Variants in RBFOX1 observed in about 807,000 individuals in gnomAD.
RBFOX1 encodes RNA binding protein fox-1 homolog 1.
A neutral mutation model predicts 57.7 loss-of-function variants in RBFOX1; 8 were observed. That is an observed-to-expected ratio of 0.14 (90% CI 0.08 to 0.25). The LOEUF is 0.25. RBFOX1 is among the 10% of genes least tolerant of loss of function. The pLI, the probability that RBFOX1 is intolerant of heterozygous loss-of-function variation, is 1.00. For missense variants in RBFOX1, 611 were observed against 548.5 expected (o/e 1.11, Z -1.14); for synonymous variants, 326 against 222.4 (o/e 1.47, Z -4.15).
intron 2 of RBFOX1, among the ~76,000 whole-genome samples, chr16:5,528,545 C>CTTTTT (rs755227280): frequency 1.7e-5 from 2 of 115,268 alleles, no homozygotes; most frequent in East Asian, 3.8e-4. Flanking sequence ...GACAGCTCTT[C>CTTTTT]TTTTTTTTTT....
chr16:5,346,130 A>G (rs1233256488), intron 1 of RBFOX1, among the ~76,000 whole-genome samples: 1 of 152,180 alleles, frequency 6.6e-6, no homozygotes, highest in Non-Finnish European at 1.5e-5. Flanking sequence ...GGCAGCCTGC[A>G]TCACCTCCGT....
chr16:5,682,510 G>C (rs1207938210), intron 3 of RBFOX1, among the ~76,000 whole-genome samples: 3 of 152,184 alleles, frequency 2.0e-5, no homozygotes. Flanking sequence ...CGGTGGAAGA[G>C]ATGACCATTT....
At chr16:5,913,927 C>T (rs2058655423) in intron 4 of RBFOX1, among the ~76,000 whole-genome samples, 1 of 152,228 alleles carries the variant, frequency 6.6e-6, no homozygotes, top group African/African-American at 2.4e-5. Flanking sequence ...AGGGTATATT[C>T]TGTCACTCCT....
chr16:7,041,500 G>A (rs868524721), intron 3 of RBFOX1, among the ~76,000 whole-genome samples: 42 of 152,206 alleles, frequency 2.8e-4, no homozygotes, highest in African/African-American at 8.2e-4. Context: ...TGTGACAAGC[G>A]CTGTCCTTAC....
intron 4 of RBFOX1, among the ~76,000 whole-genome samples, chr16:7,265,839 G>T (rs1448813276): frequency 6.6e-6 from 1 of 151,896 alleles, no homozygotes; most frequent in South Asian, 2.1e-4. Flanking sequence ...ATCTCATGTT[G>T]AAATATAACT....
intron 3 of RBFOX1, among the ~76,000 whole-genome samples, chr16:5,708,046 A>G (rs2051317541): frequency 6.6e-6 from 1 of 152,178 alleles, no homozygotes; most frequent in Admixed American, 6.5e-5. Context: ...GAAAGAGAGA[A>G]TAAAAGAAGG....
chr16:5,322,832 C>G (rs1285599281), intron 1 of RBFOX1, among the ~76,000 whole-genome samples: 1 of 152,172 alleles, frequency 6.6e-6, no homozygotes, highest in Admixed American at 6.5e-5. Context: ...TTATAATGCA[C>G]TTAGGGCACT....
intron 3 of RBFOX1, among the ~76,000 whole-genome samples, chr16:5,698,880 G>A (rs577712734): frequency 2.0e-5 from 3 of 151,790 alleles, no homozygotes; most frequent in Non-Finnish European, 4.4e-5. Context: ...TTTATTTTGT[G>A]TAGCATCTGT....
At chr16:5,306,347 T>G (rs1281571638) in intron 1 of RBFOX1, among the ~76,000 whole-genome samples, 1 of 151,796 alleles carries the variant, frequency 6.6e-6, no homozygotes, top group African/African-American at 2.4e-5. Context: ...GAGACGGAGT[T>G]TCACCCTTGT....
At chr16:6,534,936 A>G (rs1002410739) in intron 2 of RBFOX1, among the ~76,000 whole-genome samples, 6 of 152,198 alleles carry the variant, frequency 3.9e-5, no homozygotes, top group Admixed American at 6.5e-5. Flanking sequence ...CATTCAACAT[A>G]CAGAAAACTT....
intron 4 of RBFOX1, among the ~76,000 whole-genome samples, chr16:7,069,886 A>T (rs1445386375): frequency 6.6e-6 from 1 of 152,174 alleles, no homozygotes; most frequent in Non-Finnish European, 1.5e-5. Flanking sequence ...TTTGCGCTTG[A>T]ATTTTACCCC....
chr16:7,601,013 TG>T (rs2094986133), intron 9 of RBFOX1, among the ~76,000 whole-genome samples: 1 of 152,180 alleles, frequency 6.6e-6, no homozygotes, highest in African/African-American at 2.4e-5. Flanking sequence ...CTGTGTTCTT[TG>T]GGGATCAAAT....
At chr16:6,564,539 C>T (rs2097230591) in intron 2 of RBFOX1, among the ~76,000 whole-genome samples, 1 of 152,012 alleles carries the variant, frequency 6.6e-6, no homozygotes, top group African/African-American at 2.4e-5. Flanking sequence ...GTGAGATAAG[C>T]CAGGCACAGA....
At chr16:7,709,282 C>T (rs1188438369) in intron 15 of RBFOX1, 151 bp downstream of exon 15, 19 of 931,640 alleles carry the variant, frequency 2.0e-5, no homozygotes, top group Non-Finnish European at 2.8e-5. Flanking sequence ...ATTAATCCTC[C>T]CAGTAAACTT....
At chr16:6,947,363 G>A (rs1219783236) in intron 3 of RBFOX1, among the ~76,000 whole-genome samples, 1 of 152,200 alleles carries the variant, frequency 6.6e-6, no homozygotes, top group Non-Finnish European at 1.5e-5. Context: ...CTGGGTGCCT[G>A]AGCCTTTTGC....
At chr16:6,322,450 C>G (rs903654506) in intron 2 of RBFOX1, among the ~76,000 whole-genome samples, 1 of 152,050 alleles carries the variant, frequency 6.6e-6, no homozygotes, top group Non-Finnish European at 1.5e-5. Flanking sequence ...TTGGGATAGC[C>G]TTTCCTATTC....
At chr16:5,708,164 A>G (rs1271815749) in intron 3 of RBFOX1, among the ~76,000 whole-genome samples, 1 of 152,216 alleles carries the variant, frequency 6.6e-6, no homozygotes, top group African/African-American at 2.4e-5. Flanking sequence ...GGATGAATAC[A>G]GAGAGAAACA....
intron 3 of RBFOX1, among the ~76,000 whole-genome samples, chr16:6,758,068 A>G (rs1201785069): frequency 6.6e-6 from 1 of 152,174 alleles, no homozygotes; most frequent in Admixed American, 6.5e-5. Flanking sequence ...CTTTATACCA[A>G]TAAGAAGGAT....
intron 3 of RBFOX1, among the ~76,000 whole-genome samples, chr16:5,639,957 C>A (rs1254583233): frequency 6.6e-6 from 1 of 152,214 alleles, no homozygotes; most frequent in Non-Finnish European, 1.5e-5. Context: ...CTTTTCTCTG[C>A]CCAGAGCCTT....
Sources: gnomAD v4.1 joint callset for allele counts (sites outside exome capture counted in the v4.1 genomes callset) on GRCh38, gnomAD v4.1.1 for gene constraint, MANE v1.5 for transcripts, NCBI Gene and HGNC (gene_info 2026-07-23, HGNC 2026-07-21) for gene names.